ATP11C: variants seen among roughly 807,000 people sequenced by gnomAD.
ATP11C encodes phospholipid-transporting ATPase IG.
ATP11C carries 36 observed loss-of-function variants against 97.4 expected under a neutral mutation model. The ratio of observed to expected loss-of-function variants is 0.37; its 90% CI spans 0.28 to 0.49. The LOEUF (loss-of-function observed/expected upper bound fraction) is 0.49. ATP11C is among the 20% of genes least tolerant of loss of function. The pLI is 0.98. For synonymous variants in ATP11C, 275 were observed against 290.9 expected, an observed-to-expected ratio of 0.95 and a Z score of 0.56; for missense variants, 730 against 824.6, an observed-to-expected ratio of 0.89 and a Z score of 1.40.
chrX:139,857,064 G>A (rs1569480842), intron 1 of ATP11C, among the ~76,000 whole-genome samples: 1 of 111,685 alleles, frequency 9.0e-6, no homozygotes, highest in Non-Finnish European at 1.9e-5. Context: ...AAAGTAGTTC[G>A]GTAAACGGAA....
chrX:139,868,069 G>T (rs1351280228), intron 1 of ATP11C, among the ~76,000 whole-genome samples: 1 of 111,980 alleles, frequency 8.9e-6, no homozygotes, highest in Non-Finnish European at 1.9e-5. Context: ...AGATGATAAT[G>T]AGCTGTTTTG....
rs372027127 is a variant in ATP11C, at chrX:139,932,082, G to C, written c.-40C>G. On this transcript the variant is annotated 5_prime_UTR_variant, in exon 1 of 30. Coordinates refer to ENST00000682941, the MANE Select transcript of ATP11C (RefSeq NM_001353812.2). ...CCGGGCGCTGAGCTGGGCTCTACCG[G>C]GCTGTCTGGGAAGGCGCCGTCCACA... The C allele has an allele frequency of 2.6e-6, 3 of 1,134,410 alleles. No homozygotes were observed. The Admixed American group carries it at 8.1e-5, about 30-fold the overall frequency. The allele number at this position is 1,134,410 out of a possible 1,213,427, so 93.5% of individuals were successfully genotyped here.
intron 1 of ATP11C, among the ~76,000 whole-genome samples, chrX:139,909,058 G>A (rs754196659): frequency 1.2e-4 from 13 of 112,147 alleles, no homozygotes; most frequent in Non-Finnish European, 5.6e-5. Context: ...CAGCCAAACT[G>A]GGCACATGGA....
intron 1 of ATP11C, among the ~76,000 whole-genome samples, chrX:139,914,057 T>A (rs898717091): frequency 1.8e-5 from 2 of 111,415 alleles, no homozygotes; most frequent in Non-Finnish European, 3.8e-5. Context: ...CCTAAACACA[T>A]AGTACAGAAT....
chrX:139,790,464 TCACACACA>T (rs56853640), intron 12 of ATP11C, among the ~76,000 whole-genome samples: 20 of 99,225 alleles, frequency 2.0e-4, no homozygotes, highest in African/African-American at 5.8e-4. Context: ...TCTCTCTCAC[TCACACACA>T]CACACACACA....
At chrX:139,729,096 T>C (rs1603322346) in intron 29 of ATP11C, 134 bp from the exon 30 acceptor site, 1 of 439,805 alleles carries the variant, frequency 2.3e-6, no homozygotes, top group Non-Finnish European at 3.9e-6. Flanking sequence ...TGCCAAGTTT[T>C]ATTCACATGC....
intron 1 of ATP11C, among the ~76,000 whole-genome samples, chrX:139,838,102 A>T (rs1402536396): frequency 1.8e-5 from 2 of 112,088 alleles, no homozygotes; most frequent in Non-Finnish European, 3.8e-5. Flanking sequence ...GTTCAGAAGG[A>T]AGAAACTTCT....
chrX:139,854,805 T>A (rs1380234598), intron 1 of ATP11C, among the ~76,000 whole-genome samples: 1 of 112,035 alleles, frequency 8.9e-6, no homozygotes, highest in Non-Finnish European at 1.9e-5. Context: ...GTTAAAAAAA[T>A]TTGTTTTGAA....
At chrX:139,787,342 G>A (rs1048433329) in intron 14 of ATP11C, 98 bp from the exon 15 acceptor site, 2 of 703,791 alleles carry the variant, frequency 2.8e-6, no homozygotes, top group Non-Finnish European at 4.0e-6. Context: ...CTGTTGCCCA[G>A]GCTGGAGTGC....
chrX:139,834,916 T>C (rs901310150), intron 1 of ATP11C, among the ~76,000 whole-genome samples: 1 of 112,441 alleles, frequency 8.9e-6, no homozygotes, highest in Non-Finnish European at 1.9e-5. Context: ...AAGTCAGCAT[T>C]TCCCAAAATT....
rs762412872 is a variant in ATP11C, at chrX:139,762,066, G to A, written c.2535C>T (p.Ser845=). ...GTTTAAACTTTGGAACAGAATAATCGCTATTCCTAGCTGCTTGGCGACCTT... is the reference window on the plus strand; with the variant it reads ...GTTTAAACTTTGGAACAGAATAATCACTATTCCTAGCTGCTTGGCGACCTT... ...GKEGRQAARN[S]DYSVPKFKHL... Residue 845 remains serine, a synonymous_variant, in exon 22 of 30, where the codon AGC becomes AGT. Transcript: ENST00000682941. The A allele has an allele frequency of 7.5e-6, 9 of 1,203,945 alleles. No individual in the cohort carries two copies. Among genetic ancestry groups the A allele is most frequent in the Admixed American group, 2.2e-5 (1 of 45,403 alleles).
chrX:139,793,222 A>T (rs2082729870), intron 12 of ATP11C, among the ~76,000 whole-genome samples: 1 of 111,775 alleles, frequency 8.9e-6, no homozygotes, highest in East Asian at 2.8e-4. Flanking sequence ...TGAAACACAT[A>T]TTAATCCCAT....
chrX:139,798,833 C>T (rs777396744), intron 8 of ATP11C, 90 bp from the exon 9 acceptor site: 3 of 628,987 alleles, frequency 4.8e-6, no homozygotes, highest in Non-Finnish European at 7.8e-6. Flanking sequence ...CACCTATCTC[C>T]AAGGGGTTCA....
At chrX:139,917,955 C>CAAAAAAAA (rs774133039) in intron 1 of ATP11C, among the ~76,000 whole-genome samples, 1 of 38,403 alleles carries the variant, frequency 2.6e-5, no homozygotes, top group African/African-American at 9.6e-5. Flanking sequence ...GGCTTTGTCT[C>CAAAAAAAA]AAAAAAAAAA....
At chrX:139,746,474 C>T (rs1175563644) in intron 24 of ATP11C, among the ~76,000 whole-genome samples, 1 of 112,021 alleles carries the variant, frequency 8.9e-6, no homozygotes, top group Non-Finnish European at 1.9e-5. Flanking sequence ...ACAGACTGAG[C>T]TAATATACAA....
intron 5 of ATP11C, among the ~76,000 whole-genome samples, chrX:139,810,441 G>C (rs1310622766): frequency 8.9e-6 from 1 of 111,949 alleles, no homozygotes; most frequent in Non-Finnish European, 1.9e-5. Flanking sequence ...GGTGACAAGA[G>C]CGAAACTCCA....
intron 5 of ATP11C, among the ~76,000 whole-genome samples, chrX:139,810,178 T>C (rs1256754004): frequency 9.0e-6 from 1 of 110,745 alleles, no homozygotes; most frequent in Non-Finnish European, 1.9e-5. Context: ...AAAAGGTATC[T>C]AGGCTGGCAC....
chrX:139,780,471 C>T (rs1235521876), intron 18 of ATP11C, among the ~76,000 whole-genome samples: 1 of 108,182 alleles, frequency 9.2e-6, no homozygotes, highest in African/African-American at 3.4e-5. Flanking sequence ...CCAATAGATG[C>T]AGAAAAAATA....
At chrX:139,854,389 T>C (rs1027842324) in intron 1 of ATP11C, among the ~76,000 whole-genome samples, 2 of 112,199 alleles carry the variant, frequency 1.8e-5, no homozygotes, top group African/African-American at 6.5e-5. Context: ...TCTTATGGCC[T>C]TAGGCAGTCT....
Sources: allele counts gnomAD v4.1 joint callset (sites outside exome capture counted in the v4.1 genomes callset), GRCh38; gene constraint gnomAD v4.1.1; transcripts MANE v1.5; gene names NCBI Gene and HGNC (gene_info 2026-07-23, HGNC 2026-07-21).